The following GARRE1 variants were observed in gnomAD, a reference collection of about 807,000 sequenced individuals.
The protein encoded by GARRE1 is granule associated Rac and RHOG effector protein 1.
A neutral mutation model predicts 103.2 loss-of-function variants in GARRE1; 49 were observed. The ratio of observed to expected loss-of-function variants is 0.47; its 90% CI spans 0.38 to 0.60. The LOEUF (loss-of-function observed/expected upper bound fraction) is 0.60, where lower values mean the gene tolerates loss of function less well. GARRE1 is among the 20% of genes least tolerant of loss of function. GARRE1 has a pLI of 0.00. For missense variants in GARRE1, 1,199 were observed against 1,370.5 expected (o/e 0.87, Z 1.98); for synonymous variants, 505 against 532.8 (o/e 0.95, Z 0.72).
rs1455453047 is a variant in GARRE1 at position 34,311,078 on chromosome 19, G to T, written c.496-8829G>T. Among the ~76,000 whole-genome samples the T allele has an allele frequency of 2.6e-5, 4 of 151,930 alleles. No homozygotes were observed. The East Asian group carries it at 7.7e-4, about 29-fold the overall frequency. ...GAACAATCACAGTTCACTGCAGCCT[G>T]AACTCCTGGGCTCAAGCAATCCTCC... On this transcript the variant is annotated intron_variant, in intron 2 of 13. Transcript: ENST00000299505.
intron 1 of GARRE1, among the ~76,000 whole-genome samples, chr19:34,276,695 A>G (rs1165343245): frequency 1.5e-4 from 23 of 152,204 alleles, no homozygotes. Context: ...TACCGCAGCC[A>G]CTGCCAGGTT....
In GARRE1 at chr19:34,319,918, A is replaced by T. The variant is rs746839362; in HGVS notation, c.507A>T (p.Arg169=). The change falls in exon 3 of 14, where the codon CGA becomes CGT. Residue 169 remains arginine, a synonymous_variant. Transcript: ENST00000299505. ...TCTTGTTTTCACAGGTGTTGGGGCGATGTTTCCTGACTGTGGTGCAAGTCC... is the reference window on the plus strand; with the variant it reads ...TCTTGTTTTCACAGGTGTTGGGGCGTTGTTTCCTGACTGTGGTGCAAGTCC... ...FSLQDIEVLG[R]CFLTVVQVHF... 1 of 1,614,184 alleles carries T rather than the reference A, an allele frequency of 6.2e-7. No homozygotes were observed. Among genetic ancestry groups the T allele is most frequent in the South Asian group, 1.1e-5 (1 of 91,082 alleles).
chr19:34,343,378 A>G (rs1474810950), intron 10 of GARRE1, among the ~76,000 whole-genome samples: 1 of 151,920 alleles, frequency 6.6e-6, no homozygotes, highest in Non-Finnish European at 1.5e-5. Flanking sequence ...TTGAGGCTGC[A>G]GTGAGCTATG....
At chr19:34,334,090 A>G (rs983524248) in intron 8 of GARRE1, among the ~76,000 whole-genome samples, 2 of 152,186 alleles carry the variant, frequency 1.3e-5, no homozygotes, top group African/African-American at 4.8e-5. Context: ...CTGAGTCTAC[A>G]GCATTTAAAC....
At chr19:34,326,584 A>T (rs2074112964) in intron 3 of GARRE1, among the ~76,000 whole-genome samples, 1 of 152,158 alleles carries the variant, frequency 6.6e-6, no homozygotes, top group Non-Finnish European at 1.5e-5. Context: ...TGCAGATTTC[A>T]AAAGCTCTGT....
intron 1 of GARRE1, among the ~76,000 whole-genome samples, chr19:34,276,794 G>A (rs2073819674): frequency 6.6e-6 from 1 of 152,230 alleles, no homozygotes; most frequent in African/African-American, 2.4e-5. Context: ...CTGGAACAAT[G>A]GCTCATTCAT....
chr19:34,262,541 C>A (rs1348209783), intron 1 of GARRE1, among the ~76,000 whole-genome samples: 1 of 152,030 alleles, frequency 6.6e-6, no homozygotes, highest in Non-Finnish European at 1.5e-5. Context: ...GGTGATCCGC[C>A]TGCCTTGGCC....
chr19:34,298,055 A>C (rs1375995134), intron 1 of GARRE1, among the ~76,000 whole-genome samples: 2 of 152,170 alleles, frequency 1.3e-5, no homozygotes, highest in East Asian at 3.8e-4. Context: ...TTATATATTC[A>C]AAAAAGGAAA....
chr19:34,272,044 C>G (rs916404180), intron 1 of GARRE1, among the ~76,000 whole-genome samples: 1 of 152,056 alleles, frequency 6.6e-6, no homozygotes. Flanking sequence ...GGAGCAGTTG[C>G]TGTAGAAGAG....
At chr19:34,302,627 TAG>T (rs912889713) in intron 2 of GARRE1, among the ~76,000 whole-genome samples, 3 of 151,926 alleles carry the variant, frequency 2.0e-5, no homozygotes, top group Non-Finnish European at 4.4e-5. Flanking sequence ...CTTTGGTTTT[TAG>T]AGAGTCCCAC....
chr19:34,311,486 G>A (rs965293252), intron 2 of GARRE1, among the ~76,000 whole-genome samples: 4 of 152,016 alleles, frequency 2.6e-5, no homozygotes, highest in Non-Finnish European at 5.9e-5. Context: ...TAGGAGCCTC[G>A]CATGAGTGTG....
intron 1 of GARRE1, among the ~76,000 whole-genome samples, chr19:34,255,303 C>G (rs181678759): frequency 1.0e-3 from 154 of 152,350 alleles, no homozygotes; most frequent in Non-Finnish European, 1.8e-3. Context: ...AGAAGCGTGC[C>G]TGGTTGGCAT....
At chr19:34,260,564 G>C (rs113785785) in intron 1 of GARRE1, among the ~76,000 whole-genome samples, 14,437 of 151,888 alleles carry the variant, frequency 0.095, 1,059 homozygotes, top group African/African-American at 0.2. Flanking sequence ...AAGTTTTAGG[G>C]TACATGTGCA....
chr19:34,274,228 A>G (rs2073803939), intron 1 of GARRE1, among the ~76,000 whole-genome samples: 1 of 151,998 alleles, frequency 6.6e-6, no homozygotes, highest in Non-Finnish European at 1.5e-5. Context: ...CAATATGGAG[A>G]AACCCCGTCT....
At chr19:34,324,894 A>G (rs1418365077) in intron 3 of GARRE1, among the ~76,000 whole-genome samples, 4 of 152,210 alleles carry the variant, frequency 2.6e-5, no homozygotes, top group Non-Finnish European at 5.9e-5. Context: ...GTATCTATAC[A>G]TAAGGTATTA....
At chr19:34,308,680 A>C (rs1208749579) in intron 2 of GARRE1, among the ~76,000 whole-genome samples, 3 of 152,140 alleles carry the variant, frequency 2.0e-5, no homozygotes, top group Admixed American at 2.0e-4. Flanking sequence ...GGACCCTTTG[A>C]CTTTGATTTG....
chr19:34,351,803 T>C (rs2074238771), intron 13 of GARRE1, among the ~76,000 whole-genome samples: 1 of 152,202 alleles, frequency 6.6e-6, no homozygotes, highest in Admixed American at 6.5e-5. Context: ...TAAATTTAAA[T>C]ACAAATAAAA....
At chr19:34,318,424 C>A (rs1192353428) in intron 2 of GARRE1, among the ~76,000 whole-genome samples, 4 of 152,348 alleles carry the variant, frequency 2.6e-5, no homozygotes, top group Admixed American at 2.0e-4. Flanking sequence ...GTTCCCTGAC[C>A]TTCACCACTT....
At chr19:34,266,231 GGCCT>G (rs2073750615) in intron 1 of GARRE1, among the ~76,000 whole-genome samples, 1 of 152,232 alleles carries the variant, frequency 6.6e-6, no homozygotes, top group South Asian at 2.1e-4. Context: ...AACCACTGCG[GGCCT>G]GCTCTCTGGG....
Sources: gnomAD v4.1 joint callset for allele counts (sites outside exome capture counted in the v4.1 genomes callset) on GRCh38, gnomAD v4.1.1 for gene constraint, MANE v1.5 for transcripts, NCBI Gene and HGNC (gene_info 2026-07-23, HGNC 2026-07-21) for gene names.